Variants in UBAP2 observed in about 807,000 individuals in gnomAD.
UBAP2 encodes the protein ubiquitin associated protein 2, also known as ubiquitin-associated protein 2.
A neutral mutation model predicts 139.6 loss-of-function variants in UBAP2; 75 were observed. The observed-to-expected ratio is 0.54, with a 90% CI of 0.45 to 0.65. UBAP2 has a LOEUF of 0.65. Ranked by LOEUF, UBAP2 falls within the 30% of genes least tolerant of loss-of-function variation. The pLI is 0.00. For missense variants in UBAP2, 1,368 were observed against 1,369.6 expected (o/e 1.00, Z 0.02); for synonymous variants, 526 against 526.2 (o/e 1.00, Z 0.01).
chr9:33,954,269 TACACAC>T (rs60078088), intron 11 of UBAP2, among the ~76,000 whole-genome samples: 3 of 139,810 alleles, frequency 2.1e-5, no homozygotes, highest in Non-Finnish European at 4.6e-5. Context: ...TGTGTGTATA[TACACAC>T]ACACACACAC....
intron 6 of UBAP2, among the ~76,000 whole-genome samples, chr9:33,976,722 A>G (rs967711701): frequency 1.3e-5 from 2 of 152,134 alleles, no homozygotes; most frequent in Admixed American, 1.3e-4. Context: ...TTAGGCTGGG[A>G]GCAGTGGCTC....
chr9:33,923,779 C>A lies in UBAP2; in HGVS notation c.2796+16G>T, dbSNP rs377549866. The A allele has an allele frequency of 1.2e-5, 20 of 1,613,146 alleles. No homozygotes were observed. Among genetic ancestry groups the A allele is most frequent in the African/African-American group, 1.1e-4 (8 of 74,884 alleles). On this transcript the variant is annotated intron_variant, in intron 24 of 28. Coordinates refer to ENST00000379238, the MANE Select transcript of UBAP2 (RefSeq NM_001370062.2). ...CCAAGGCCAGGAGACACAGTCACAC[C>A]CTCTGAAATACTCACAAACATGGTG...
At chr9:34,007,308 G>A (rs1377319902) in intron 2 of UBAP2, among the ~76,000 whole-genome samples, 3 of 151,994 alleles carry the variant, frequency 2.0e-5, no homozygotes, top group Non-Finnish European at 1.5e-5. Flanking sequence ...AGCCCTGTGG[G>A]TAACTTGGTG....
intron 22 of UBAP2, among the ~76,000 whole-genome samples, chr9:33,924,527 GACCAAGCCTCACACAT>G (rs1823251356): frequency 6.6e-6 from 1 of 152,246 alleles, no homozygotes; most frequent in Non-Finnish European, 1.5e-5. Context: ...AGCTGCTGGA[GACCAAGCCTCACACAT>G]CCATTTGACA....
At chr9:33,969,362 C>A (rs1024452426) in intron 8 of UBAP2, among the ~76,000 whole-genome samples, 1 of 152,052 alleles carries the variant, frequency 6.6e-6, no homozygotes, top group African/African-American at 2.4e-5. Flanking sequence ...GCTTCCACAA[C>A]AATGCAAAAT....
At chr9:34,010,006 C>G (rs1282044157) in intron 2 of UBAP2, among the ~76,000 whole-genome samples, 1 of 149,532 alleles carries the variant, frequency 6.7e-6, no homozygotes, top group Non-Finnish European at 1.5e-5. Flanking sequence ...GGAGTTTCTC[C>G]ATCTTGGTCA....
At chr9:33,935,029 C>T (rs1459456289) in intron 17 of UBAP2, among the ~76,000 whole-genome samples, 1 of 152,148 alleles carries the variant, frequency 6.6e-6, no homozygotes, top group African/African-American at 2.4e-5. Flanking sequence ...TTCTGGCTTC[C>T]CCACCCATTT....
chr9:33,975,305 G>A (rs1337051665), intron 6 of UBAP2, among the ~76,000 whole-genome samples: 11 of 151,768 alleles, frequency 7.2e-5, no homozygotes, highest in African/African-American at 1.7e-4. Flanking sequence ...GGTGGCGCGC[G>A]CCAGTAGTCT....
intron 2 of UBAP2, among the ~76,000 whole-genome samples, chr9:34,016,159 G>C (rs1241919579): frequency 2.0e-5 from 3 of 151,236 alleles, no homozygotes; most frequent in Admixed American, 6.6e-5. Context: ...AGGTGAAAGG[G>C]GAGAGGAGGA....
intron 1 of UBAP2, among the ~76,000 whole-genome samples, chr9:34,048,092 T>C (rs1827770386): frequency 6.6e-6 from 1 of 151,808 alleles, no homozygotes; most frequent in African/African-American, 2.4e-5. Context: ...CAGGGGAAAA[T>C]GTGGAAAAGC....
chr9:34,018,286 A>T (rs751246610), intron 1 of UBAP2, among the ~76,000 whole-genome samples: 7 of 151,022 alleles, frequency 4.6e-5, no homozygotes, highest in Non-Finnish European at 8.8e-5. Flanking sequence ...AGACCAGAAA[A>T]CCTGCTAGAC....
At position 34,004,636 on chromosome 9, in the gene UBAP2, T is replaced by C. The variant is rs543026732; in HGVS notation, c.100-5772A>G. ...TCTCTACTAAAAAAATACAAAAAATTAGCCGAGCGTGGTGGCGGGCACCTG... is the reference window on the plus strand; with the variant it reads ...TCTCTACTAAAAAAATACAAAAAATCAGCCGAGCGTGGTGGCGGGCACCTG... On this transcript the variant is annotated intron_variant, in intron 2 of 28. Transcript: ENST00000379238. Among the ~76,000 whole-genome samples, 3 of 151,100 alleles carry C rather than the reference T, an allele frequency of 2.0e-5. No homozygotes were observed. In the East Asian group the frequency reaches 5.9e-4, roughly 30 times the overall value.
At chr9:33,965,770 C>T (rs1038428215) in intron 8 of UBAP2, among the ~76,000 whole-genome samples, 1 of 152,074 alleles carries the variant, frequency 6.6e-6, no homozygotes, top group Non-Finnish European at 1.5e-5. Flanking sequence ...GAGTGTGGGC[C>T]GGGTGCGGTG....
intron 1 of UBAP2, among the ~76,000 whole-genome samples, chr9:34,019,940 T>C (rs1005497066): frequency 6.6e-6 from 1 of 151,726 alleles, no homozygotes; most frequent in Non-Finnish European, 1.5e-5. Context: ...GGCAGGCAGA[T>C]CACGAGGTCA....
chr9:33,973,265 A>G, intron 6 of UBAP2, 28 bp from the exon 7 acceptor site: 1 of 1,605,276 alleles, frequency 6.2e-7, no homozygotes, highest in South Asian at 1.1e-5. Flanking sequence ...ATTATAGTAT[A>G]AAATAATACT....
chr9:33,935,073 ACCAT>A (rs1824338784), intron 17 of UBAP2, among the ~76,000 whole-genome samples: 1 of 148,770 alleles, frequency 6.7e-6, no homozygotes, highest in South Asian at 2.1e-4. Context: ...ACTACTATAA[ACCAT>A]CAGTCAAGCT....
At chr9:33,956,733 C>T (rs901560155) in intron 10 of UBAP2, among the ~76,000 whole-genome samples, 2 of 152,048 alleles carry the variant, frequency 1.3e-5, no homozygotes, top group Non-Finnish European at 2.9e-5. Context: ...CAAACCAGGG[C>T]TCAACCGCAG....
intron 6 of UBAP2, among the ~76,000 whole-genome samples, chr9:33,980,600 T>C (rs544037129): frequency 4.0e-4 from 61 of 152,194 alleles, no homozygotes; most frequent in African/African-American, 1.4e-3. Flanking sequence ...AATGGATCTA[T>C]GTCAAGTACA....
rs573238775 is a variant in UBAP2 at position 34,018,312 on chromosome 9, T to C, written c.-41-1123A>G. 1.1e-3 allele frequency among the ~76,000 whole-genome samples: 160 copies of C among 151,968 alleles called. No homozygotes were observed. The Middle Eastern group carries it at 0.02, about 19-fold the overall frequency. ...CCTGCTAGACAAATTCTAAAAGAGC[T>C]GTAACACTATAATTGTTTTTTTGTT... On this transcript the variant is annotated intron_variant, in intron 1 of 28. Transcript: ENST00000379238.
Sources: allele counts gnomAD v4.1 joint callset (sites outside exome capture counted in the v4.1 genomes callset), GRCh38; gene constraint gnomAD v4.1.1; transcripts MANE v1.5; gene names NCBI Gene and HGNC (gene_info 2026-07-23, HGNC 2026-07-21).